B3GALNT2: variants seen among roughly 807,000 people sequenced by gnomAD.
B3GALNT2 encodes the protein beta-1,3-N-acetylgalactosaminyltransferase 2.
Under a neutral mutation model 61.1 loss-of-function variants are expected in B3GALNT2, and 53 were observed. That is an observed-to-expected ratio of 0.87 (90% CI 0.70 to 1.09). B3GALNT2 has a LOEUF of 1.09. B3GALNT2 is among the 50% of genes least tolerant of loss of function. B3GALNT2 has a pLI of 0.00. For synonymous variants in B3GALNT2, 223 were observed against 237.4 expected, an observed-to-expected ratio of 0.94 and a Z score of 0.56; for missense variants, 544 against 623.0, an observed-to-expected ratio of 0.87 and a Z score of 1.35.
Position 235,455,669 on chromosome 1 carries a change from CGTT to C in B3GALNT2, c.1038_1040del (p.Thr347del), listed in dbSNP as rs2102784848. The C allele has an allele frequency of 1.2e-6, 2 of 1,608,926 alleles. No individual in the cohort carries two copies. The highest frequency in any genetic ancestry group is 1.3e-5 in the African/African-American group (1 of 74,880). On this transcript the variant is annotated inframe_deletion, in exon 9 of 12. Transcript: ENST00000366600. The stretch of plus-strand genomic sequence containing the variant: ...CTGTCTTCAGCAACAAATTGAAGCT[CGTT>C]GTTTCCACAGTCCTGTTGACACAAA...
At chr1:235,475,747 T>C (rs1488884767) in intron 5 of B3GALNT2, among the ~76,000 whole-genome samples, 4 of 152,238 alleles carry the variant, frequency 2.6e-5, no homozygotes, top group Non-Finnish European at 4.4e-5. Flanking sequence ...ATGGAACATT[T>C]AGAAGATAGA....
intron 6 of B3GALNT2, among the ~76,000 whole-genome samples, chr1:235,467,818 C>T (rs547426919): frequency 4.6e-5 from 7 of 151,784 alleles, no homozygotes; most frequent in East Asian, 1.9e-4. Flanking sequence ...TCACTCTTGT[C>T]GCCCAGGCTG....
At chr1:235,454,589 C>G (rs1356247095) in intron 9 of B3GALNT2, among the ~76,000 whole-genome samples, 4 of 152,116 alleles carry the variant, frequency 2.6e-5, no homozygotes, top group South Asian at 2.1e-4. Flanking sequence ...CAGGCGCACA[C>G]CATCATGACC....
At chr1:235,470,142 AC>A (rs1331589882) in intron 6 of B3GALNT2, among the ~76,000 whole-genome samples, 16 of 151,984 alleles carry the variant, frequency 1.1e-4, no homozygotes, top group Middle Eastern at 3.2e-3. Flanking sequence ...CAAGTGATCC[AC>A]CTGCCTCAGC....
Position 235,498,843 on chromosome 1 carries a change from C to CAAAAAAAAAAAAAAAA in B3GALNT2, c.113-4031_113-4016dup, listed in dbSNP as rs57291873. Among the ~76,000 whole-genome samples the CAAAAAAAAAAAAAAAA allele has an allele frequency of 2.3e-4, 15 of 64,114 alleles. 1 individual carries two copies. Among genetic ancestry groups the CAAAAAAAAAAAAAAAA allele is most frequent in the Admixed American group, 2.2e-3 (8 of 3,692 alleles). 42.1% of individuals were successfully genotyped at this position (64,114 alleles called of 152,430 possible). A position where few individuals can be genotyped will look rare whatever the true frequency, so the allele number is the denominator to read the frequency against. ...TGGGTGACAGAGCTAGACTCCTTCTCAAAAAAAAAAAAAAAAAAAAAAAAA... is the reference window on the plus strand; with the variant it reads ...TGGGTGACAGAGCTAGACTCCTTCTCAAAAAAAAAAAAAAAAAAAAAAAAAAAAAAAAAAAAAAAAA... On this transcript the variant is annotated intron_variant, in intron 1 of 11. Coordinates refer to ENST00000366600, the MANE Select transcript of B3GALNT2 (RefSeq NM_152490.5).
chr1:235,457,875 C>T (rs917446367), intron 8 of B3GALNT2, among the ~76,000 whole-genome samples: 2 of 151,302 alleles, frequency 1.3e-5, no homozygotes, highest in African/African-American at 4.9e-5. Flanking sequence ...CCGAGGCAAG[C>T]AGAAATGACT....
rs1318460958 is a variant in B3GALNT2 at position 235,450,266 on chromosome 1, C to G, written c.1443G>C (p.Leu481=). The G allele has an allele frequency of 1.2e-6, 2 of 1,613,964 alleles. No homozygotes were observed. The highest frequency in any genetic ancestry group is 2.7e-5 in the African/African-American group (2 of 74,936). The change falls in exon 12 of 12, where the codon CTG becomes CTC. Residue 481 remains leucine (L), a synonymous_variant. Transcript: ENST00000366600. ...GTTCCTTCAGTTTCCACAGTTCCGT[C>G]AGTTCCCACGGAGAATACTGAGGAG... ...LSSPQYSPWE[L]TELWKLKERC...
chr1:235,498,005 T>A (rs184712830), intron 1 of B3GALNT2, among the ~76,000 whole-genome samples: 11 of 152,342 alleles, frequency 7.2e-5, no homozygotes, highest in Non-Finnish European at 1.5e-4. Context: ...TTTCTCTTTT[T>A]CTTGCAGAGG....
At chr1:235,476,373 T>C (rs1322828763) in intron 5 of B3GALNT2, among the ~76,000 whole-genome samples, 1 of 152,136 alleles carries the variant, frequency 6.6e-6, no homozygotes, top group Non-Finnish European at 1.5e-5. Context: ...ATCATGCCAC[T>C]GCACTCCCGC....
At chr1:235,492,672 A>G (rs960643669) in intron 2 of B3GALNT2, among the ~76,000 whole-genome samples, 1 of 152,184 alleles carries the variant, frequency 6.6e-6, no homozygotes, top group Non-Finnish European at 1.5e-5. Flanking sequence ...TACAATACAG[A>G]TGCCAGCTGG....
At chr1:235,446,932 C>T (rs947996450), downstream of B3GALNT2, among the ~76,000 whole-genome samples, 5 of 152,124 alleles carry the variant, frequency 3.3e-5, no homozygotes. Flanking sequence ...CCCTCTGCCT[C>T]CCAAAGTGCT....
Position 235,448,890 on chromosome 1 carries a change from A to AGGGATGTATTTTTTGTT in B3GALNT2, c.*1299_*1315dup, listed in dbSNP as rs1682693115. On this transcript the variant is annotated 3_prime_UTR_variant, in exon 12 of 12. Transcript: ENST00000366600. ...TTTACAACTTGTCCTAAGTATAACA[A>AGGGATGTATTTTTTGTT]GGGATGTATTTTTTGTTGGGAAGTG... is the stretch of plus-strand genomic sequence containing the variant. The AGGGATGTATTTTTTGTT allele has an allele frequency of 6.7e-6, 5 of 748,346 alleles. No homozygotes were observed. The highest frequency in any genetic ancestry group is 2.3e-4 in the Middle Eastern group (1 of 4,364). 46.4% of individuals were successfully genotyped at this position (748,346 alleles called of 1,614,324 possible).
rs1683275655 is a variant in B3GALNT2 at position 235,458,634 on chromosome 1, C to T, written c.994G>A (p.Val332Ile). ...TAGAAGTTCAATAATTTTGCAGGAA[C>T]ATTACGATAAGTGTCGACAACATCC... The part of the protein sequence containing the change: ...FVDVVDTYRN[V>I]PAKLLNFYRW... Residue 332 changes from valine (V) to isoleucine (I), a missense_variant, in exon 8 of 12, where the codon GTT becomes ATT. Val to Ile is a conservative substitution (Grantham distance 29, BLOSUM62 3). Transcript: ENST00000366600. 2 of 1,608,938 alleles carry T rather than the reference C, an allele frequency of 1.2e-6. No homozygotes were observed. Among genetic ancestry groups the T allele is most frequent in the South Asian group, 1.1e-5 (1 of 89,508 alleles).
At chr1:235,484,287 A>G in intron 4 of B3GALNT2, 35 bp downstream of exon 4, 4 of 1,533,998 alleles carry the variant, frequency 2.6e-6, no homozygotes, top group Non-Finnish European at 3.5e-6. Flanking sequence ...TTGAAAAAGA[A>G]AAAAGAGAAA....
intron 5 of B3GALNT2, among the ~76,000 whole-genome samples, chr1:235,478,383 T>C (rs1369011929): frequency 6.6e-6 from 1 of 152,162 alleles, no homozygotes; most frequent in Non-Finnish European, 1.5e-5. Context: ...AAGGTAACTT[T>C]GATGGTACAT....
chr1:235,483,509 G>A lies in B3GALNT2; in HGVS notation c.555+813C>T, dbSNP rs192201867. ...ATCCCAGCACTTTGGGAGGCTACTT[G>A]GGAGGCTGAGGCAGCACTCTGGGAG... On this transcript the variant is annotated intron_variant, in intron 4 of 11. Coordinates refer to ENST00000366600, the MANE Select transcript of B3GALNT2 (RefSeq NM_152490.5). 4.3e-4 allele frequency among the ~76,000 whole-genome samples: 66 copies of A among 152,190 alleles called. No homozygotes were observed. In the East Asian group the frequency reaches 5.8e-3, roughly 13 times the overall value.
chr1:235,443,407 G>A (rs1182281693), downstream of B3GALNT2, among the ~76,000 whole-genome samples: 6 of 152,174 alleles, frequency 3.9e-5, no homozygotes, highest in South Asian at 8.3e-4. Flanking sequence ...TCGCCATGTT[G>A]CCCAGGCTGG....
intron 1 of B3GALNT2, among the ~76,000 whole-genome samples, chr1:235,499,956 T>C (rs983012585): frequency 6.6e-6 from 1 of 152,156 alleles, no homozygotes; most frequent in Non-Finnish European, 1.5e-5. Flanking sequence ...TTAGGTTTTA[T>C]GGCTGGCTTT....
chr1:235,483,735 G>A (rs142592402), intron 4 of B3GALNT2, among the ~76,000 whole-genome samples: 177 of 152,288 alleles, frequency 1.2e-3, no homozygotes, highest in African/African-American at 3.5e-3. Flanking sequence ...AGGGTTTACT[G>A]AATAATTCCT....
Sources: gnomAD v4.1 joint callset for allele counts (sites outside exome capture counted in the v4.1 genomes callset) on GRCh38, gnomAD v4.1.1 for gene constraint, MANE v1.5 for transcripts, NCBI Gene and HGNC (gene_info 2026-07-23, HGNC 2026-07-21) for gene names.